Variants in SZRD1 observed in about 807,000 individuals in gnomAD.
SZRD1 encodes the protein SUZ RNA binding domain containing 1.
A neutral mutation model predicts 17.6 loss-of-function variants in SZRD1; 7 were observed. That is an observed-to-expected ratio of 0.40 (90% CI 0.23 to 0.75). The LOEUF (loss-of-function observed/expected upper bound fraction) is 0.75. Ranked by LOEUF, SZRD1 falls within the 30% of genes least tolerant of loss-of-function variation. The pLI is 0.38. For synonymous variants in SZRD1, 77 were observed against 77.9 expected (o/e 0.99, Z 0.06); for missense variants, 178 against 201.8 (o/e 0.88, Z 0.71).
At chr1:16,379,345 C>T (rs539432292) in intron 1 of SZRD1, among the ~76,000 whole-genome samples, 1 of 152,236 alleles carries the variant, frequency 6.6e-6, no homozygotes, top group South Asian at 2.1e-4. Flanking sequence ...CCTCGTGATC[C>T]GCCCGCCTCG....
intron 1 of SZRD1, among the ~76,000 whole-genome samples, chr1:16,386,363 A>T (rs979169395): frequency 3.0e-4 from 46 of 152,136 alleles, no homozygotes; most frequent in African/African-American, 1.1e-3. Flanking sequence ...AGGTAGTACG[A>T]TTCCTTATTT....
chr1:16,374,691 A>G (rs2082969952), intron 1 of SZRD1, among the ~76,000 whole-genome samples: 1 of 152,192 alleles, frequency 6.6e-6, no homozygotes, highest in African/African-American at 2.4e-5. Context: ...CCCGACAGCT[A>G]GCATCAGTTT....
Position 16,376,286 on chromosome 1 carries a change from A to T in SZRD1, c.51+8978A>T, listed in dbSNP as rs2083001782. Reference sequence around the variant, plus strand: ...GATGCTTAGTTACTAGCTCCTTTGAAGCATTTCATTTGTTTTCACCTGGGA... The same window carrying T: ...GATGCTTAGTTACTAGCTCCTTTGATGCATTTCATTTGTTTTCACCTGGGA... On this transcript the variant is annotated intron_variant, in intron 1 of 3. Transcript: ENST00000401088. 2.6e-5 allele frequency among the ~76,000 whole-genome samples: 4 copies of T among 152,154 alleles called. 1 individual carries two copies. In the South Asian group the frequency reaches 8.3e-4, roughly 32 times the overall value.
chr1:16,368,682 T>C (rs1215778957), intron 1 of SZRD1, among the ~76,000 whole-genome samples: 3 of 152,204 alleles, frequency 2.0e-5, no homozygotes, highest in Non-Finnish European at 4.4e-5. Flanking sequence ...TGCTATATGC[T>C]AGGCAGTGTG....
chr1:16,389,329 A>G (rs1454215017), intron 1 of SZRD1, among the ~76,000 whole-genome samples: 2 of 151,202 alleles, frequency 1.3e-5, no homozygotes, highest in African/African-American at 2.4e-5. Context: ...CAGTGGCGCC[A>G]TCTCGGCTCA....
At chr1:16,382,223 T>C (rs1360849976) in intron 1 of SZRD1, among the ~76,000 whole-genome samples, 2 of 151,646 alleles carry the variant, frequency 1.3e-5, no homozygotes, top group Admixed American at 1.3e-4. Context: ...GAGTCTTGTC[T>C]GTCGCCCAGG....
At position 16,393,518 on chromosome 1, in the gene SZRD1, GTCC is replaced by G; in HGVS notation, c.356+37_356+39del. 6.4e-7 allele frequency: 1 copy of G among 1,574,328 alleles called. No homozygotes were observed. Among genetic ancestry groups the G allele is most frequent in the Non-Finnish European group, 8.6e-7 (1 of 1,162,414 alleles). ...CTGGCAGGGCCGGCCAGTGATGGCT[GTCC>G]CAGTCCACCCGGGAAGAGGAGAGCA... On this transcript the variant is annotated intron_variant, in intron 3 of 3. Coordinates refer to ENST00000401088, the MANE Select transcript of SZRD1 (RefSeq NM_001114600.3). The surrounding 1 kb of genome is among the most constrained non-coding windows in gnomAD (Gnocchi z 5.6).
At chr1:16,377,924 T>C (rs908284351) in intron 1 of SZRD1, among the ~76,000 whole-genome samples, 8 of 152,044 alleles carry the variant, frequency 5.3e-5, no homozygotes, top group Non-Finnish European at 8.8e-5. Context: ...GGCTGAAGGG[T>C]CACTTTCTTG....
At chr1:16,390,386 G>A (rs989981425) in intron 1 of SZRD1, among the ~76,000 whole-genome samples, 1 of 152,230 alleles carries the variant, frequency 6.6e-6, no homozygotes, top group Non-Finnish European at 1.5e-5. Flanking sequence ...GAAGAGATGA[G>A]GCCAGGGCGT....
At chr1:16,371,460 T>C (rs1208792937) in intron 1 of SZRD1, among the ~76,000 whole-genome samples, 21 of 134,704 alleles carry the variant, frequency 1.6e-4, no homozygotes, top group East Asian at 4.1e-4. Flanking sequence ...TTTTTTTTTT[T>C]CCCCTTTTTT....
intron 1 of SZRD1, among the ~76,000 whole-genome samples, chr1:16,374,233 A>C (rs961904975): frequency 6.6e-6 from 1 of 152,172 alleles, no homozygotes; most frequent in African/African-American, 2.4e-5. Context: ...AGTTGGTGCT[A>C]GTCTTTCTGG....
intron 1 of SZRD1, among the ~76,000 whole-genome samples, chr1:16,385,721 C>T (rs2083177753): frequency 1.3e-5 from 2 of 152,148 alleles, no homozygotes; most frequent in Non-Finnish European, 2.9e-5. Context: ...ATGATCTTAT[C>T]CGCATTGTAC....
chr1:16,394,921 C>G (rs112573638), intron 3 of SZRD1, 117 bp from the exon 4 acceptor site: 4 of 670,528 alleles, frequency 6.0e-6, no homozygotes, highest in Non-Finnish European at 1.0e-5. Context: ...TGCCACTGCA[C>G]TCCAATCTAG....
Position 16,391,618 on chromosome 1 carries a change from ACCTG to A in SZRD1, c.101+198_101+201del, listed in dbSNP as rs2100747374. On this transcript the variant is annotated intron_variant, in intron 2 of 3. Transcript: ENST00000401088. This position sits in a 1 kb window ranked among gnomAD's most constrained non-coding sequence, Gnocchi z 4.3. ...TTTAGGGTTGAGGCTGGGGTGTTGC[ACCTG>A]CCTCTGACCTTCGTGGGCTCCCTGT... 6.6e-6 allele frequency among the ~76,000 whole-genome samples: 1 copy of A among 152,172 alleles called. No individual in the cohort carries two copies. Among genetic ancestry groups the A allele is most frequent in the South Asian group, 2.1e-4 (1 of 4,816 alleles).
chr1:16,375,230 A>G (rs918903310), intron 1 of SZRD1, among the ~76,000 whole-genome samples: 10 of 152,244 alleles, frequency 6.6e-5, no homozygotes, highest in African/African-American at 2.2e-4. Context: ...TCTCTTTAAC[A>G]TCTAGCTCTG....
chr1:16,378,830 G>C (rs574090713), intron 1 of SZRD1, among the ~76,000 whole-genome samples: 16 of 150,846 alleles, frequency 1.1e-4, no homozygotes, highest in African/African-American at 3.9e-4. Context: ...GGGTTCAAGT[G>C]ATTCTCCTGC....
In SZRD1 at chr1:16,387,394, C is replaced by G. The variant is rs576204920; in HGVS notation, c.52-3981C>G. 42 of 449,856 alleles carry G rather than the reference C, an allele frequency of 9.3e-5. 1 individual carries two copies. The highest frequency in any genetic ancestry group is 9.6e-5 in the Admixed American group (4 of 41,858). 27.9% of individuals were successfully genotyped at this position (449,856 alleles called of 1,614,324 possible). A position where few individuals can be genotyped will look rare whatever the true frequency, so the allele number is the denominator to read the frequency against. Reference sequence around the variant, plus strand: ...TAATGTGTGAGGCCCATTTCTCTCTCTGTCTTATTTGGCTCTCGCAGCGAT... The same window carrying G: ...TAATGTGTGAGGCCCATTTCTCTCTGTGTCTTATTTGGCTCTCGCAGCGAT... On this transcript the variant is annotated intron_variant, in intron 1 of 3. Coordinates refer to ENST00000401088, the MANE Select transcript of SZRD1 (RefSeq NM_001114600.3).
At chr1:16,388,254 C>A (rs1342993207) in intron 1 of SZRD1, among the ~76,000 whole-genome samples, 1 of 152,094 alleles carries the variant, frequency 6.6e-6, no homozygotes, top group Non-Finnish European at 1.5e-5. Context: ...GCTGGGATAC[C>A]ACGCCCAGCT....
chr1:16,373,147 A>G (rs1396727940), intron 1 of SZRD1, among the ~76,000 whole-genome samples: 1 of 150,202 alleles, frequency 6.7e-6, no homozygotes, highest in Non-Finnish European at 1.5e-5. Context: ...CCACAGAGGT[A>G]TGTAGGGGCC....
Sources: allele counts gnomAD v4.1 joint callset (sites outside exome capture counted in the v4.1 genomes callset), GRCh38; gene constraint gnomAD v4.1.1; non-coding constraint Gnocchi (gnomAD v3.1); transcripts MANE v1.5; gene names NCBI Gene and HGNC (gene_info 2026-07-23, HGNC 2026-07-21).